EDARADD: variants seen among roughly 807,000 people sequenced by gnomAD.
EDARADD encodes ectodysplasin-A receptor-associated adapter protein.
In EDARADD, 20 loss-of-function variants were observed where a neutral mutation model predicts 25.6. The ratio of observed to expected loss-of-function variants is 0.78; its 90% CI spans 0.55 to 1.14. The LOEUF (loss-of-function observed/expected upper bound fraction) is 1.14. Ranked by LOEUF, EDARADD falls within the 50% of genes most tolerant of loss-of-function variation. The probability of loss-of-function intolerance (pLI) is 0.00; values close to 1 mark genes in which losing one functional copy is unlikely to be tolerated. For missense variants in EDARADD, 225 were observed against 270.1 expected, an observed-to-expected ratio of 0.83 and a Z score of 1.17; for synonymous variants, 86 against 94.4, an observed-to-expected ratio of 0.91 and a Z score of 0.52.
At chr1:236,444,816 G>A (rs1658490325) in intron 4 of EDARADD, among the ~76,000 whole-genome samples, 1 of 152,158 alleles carries the variant, frequency 6.6e-6, no homozygotes, top group Admixed American at 6.6e-5. Context: ...CCTGCCCCCA[G>A]CAGCCAACCC....
intron 3 of EDARADD, among the ~76,000 whole-genome samples, chr1:236,420,109 C>T (rs1657743949): frequency 6.6e-6 from 1 of 152,164 alleles, no homozygotes; most frequent in South Asian, 2.1e-4. Flanking sequence ...TCGCTTGAAC[C>T]TGGGAGGCAG....
intron 3 of EDARADD, 66 bp from the exon 4 acceptor site, chr1:236,427,326 C>T (rs2103016010): frequency 6.6e-7 from 1 of 1,518,686 alleles, no homozygotes; most frequent in South Asian, 1.2e-5. Flanking sequence ...AGGTCTTACA[C>T]CACGGAGTGT....
At chr1:236,430,007 G>A (rs951826138) in intron 4 of EDARADD, among the ~76,000 whole-genome samples, 1 of 152,136 alleles carries the variant, frequency 6.6e-6, no homozygotes, top group Non-Finnish European at 1.5e-5. Context: ...ACATCACTCT[G>A]TAATAAAGTC....
intron 4 of EDARADD, among the ~76,000 whole-genome samples, chr1:236,459,894 G>A (rs997153399): frequency 2.0e-5 from 3 of 152,012 alleles, no homozygotes; most frequent in Admixed American, 6.6e-5. Context: ...GATTACAGGC[G>A]CACCGGCCTT....
intron 4 of EDARADD, among the ~76,000 whole-genome samples, chr1:236,449,165 G>A (rs1658641635): frequency 6.6e-6 from 1 of 152,122 alleles, no homozygotes; most frequent in African/African-American, 2.4e-5. Flanking sequence ...CCTGTGTTCA[G>A]GCCTGTCTCC....
At chr1:236,401,353 T>C in intron 1 of EDARADD, among the ~76,000 whole-genome samples, 1 of 152,212 alleles carries the variant, frequency 6.6e-6, no homozygotes, top group Non-Finnish European at 1.5e-5. Context: ...AGTCCTGACA[T>C]ACTTCCTTGT....
At chr1:236,450,691 G>A (rs1658687990) in intron 4 of EDARADD, among the ~76,000 whole-genome samples, 1 of 151,954 alleles carries the variant, frequency 6.6e-6, no homozygotes, top group African/African-American at 2.4e-5. Context: ...TGGGATTACA[G>A]GCATCTGCCA....
Position 236,398,800 on chromosome 1 carries a change from C to T in EDARADD, c.61+4295C>T, listed in dbSNP as rs1667565595. Among the ~76,000 whole-genome samples, 1 of 152,202 alleles carries T rather than the reference C, an allele frequency of 6.6e-6. No homozygotes were observed. The highest frequency in any genetic ancestry group is 6.5e-5 in the Admixed American group (1 of 15,288). On this transcript the variant is annotated intron_variant, in intron 1 of 5. Transcript: ENST00000334232. The surrounding 1 kb of genome is among the most constrained non-coding windows in gnomAD (Gnocchi z 4.1). ...CATGCTCAGCAAACCCTGTACCTTT[C>T]CTTTCTGGCACCTGTCACAATTTCT...
At chr1:236,467,332 G>C (rs76706967) in intron 4 of EDARADD, among the ~76,000 whole-genome samples, 2,113 of 151,884 alleles carry the variant, frequency 0.014, 52 homozygotes, top group African/African-American at 0.049. Flanking sequence ...TAGCTGATGA[G>C]AAAGATTTTG....
At chr1:236,405,135 A>G (rs1319384915) in intron 1 of EDARADD, among the ~76,000 whole-genome samples, 1 of 152,146 alleles carries the variant, frequency 6.6e-6, no homozygotes, top group Non-Finnish European at 1.5e-5. Context: ...AAGACCTGAA[A>G]ATGCCTCTAA....
intron 3 of EDARADD, among the ~76,000 whole-genome samples, chr1:236,353,020 A>C (rs1254483911): frequency 6.6e-6 from 1 of 150,460 alleles, no homozygotes; most frequent in African/African-American, 2.4e-5. Context: ...TAAAAAAAAA[A>C]CAACAACAAC....
intron 4 of EDARADD, among the ~76,000 whole-genome samples, chr1:236,466,848 C>T (rs555126287): frequency 1.8e-3 from 271 of 152,290 alleles, no homozygotes; most frequent in African/African-American, 6.3e-3. Flanking sequence ...GTGGGCGGAT[C>T]ATGAGGTCAG....
At chr1:236,472,409 C>T (rs930421129) in intron 5 of EDARADD, among the ~76,000 whole-genome samples, 2 of 152,124 alleles carry the variant, frequency 1.3e-5, no homozygotes, top group African/African-American at 2.4e-5. Flanking sequence ...ACTAATTAAT[C>T]GGGATCTCCG....
chr1:236,434,984 T>G (rs1658203481), intron 4 of EDARADD, among the ~76,000 whole-genome samples: 1 of 152,164 alleles, frequency 6.6e-6, no homozygotes, highest in Non-Finnish European at 1.5e-5. Flanking sequence ...CTTTGTTGGT[T>G]GGTTCAGAAA....
intron 3 of EDARADD, among the ~76,000 whole-genome samples, chr1:236,371,495 G>C (rs1429910900): frequency 3.3e-5 from 5 of 151,790 alleles, no homozygotes; most frequent in African/African-American, 1.2e-4. Context: ...AGACATCCTT[G>C]ACTTGTTATT....
At chr1:236,381,260 C>A (rs922223338) in intron 3 of EDARADD, among the ~76,000 whole-genome samples, 1 of 152,000 alleles carries the variant, frequency 6.6e-6, no homozygotes, top group Non-Finnish European at 1.5e-5. Flanking sequence ...TAGTTTGTTC[C>A]TTTTATTGGT....
chr1:236,449,921 C>T (rs902864982), intron 4 of EDARADD, among the ~76,000 whole-genome samples: 3 of 151,956 alleles, frequency 2.0e-5, no homozygotes, highest in Admixed American at 2.0e-4. Flanking sequence ...GCCAACATGG[C>T]GAAACCCCGT....
chr1:236,458,153 C>G (rs1364054685), intron 4 of EDARADD, among the ~76,000 whole-genome samples: 1 of 152,208 alleles, frequency 6.6e-6, no homozygotes, highest in African/African-American at 2.4e-5. Context: ...CCCATTCACA[C>G]TCCTGTCTAG....
chr1:236,415,124 T>C (rs1043588143), intron 3 of EDARADD, among the ~76,000 whole-genome samples: 2 of 152,112 alleles, frequency 1.3e-5, no homozygotes, highest in Admixed American at 1.3e-4. Context: ...ATTTTAGAGA[T>C]GATTGTGATT....
Sources: allele counts gnomAD v4.1 joint callset (sites outside exome capture counted in the v4.1 genomes callset), GRCh38; gene constraint gnomAD v4.1.1; non-coding constraint Gnocchi (gnomAD v3.1); transcripts MANE v1.5; gene names NCBI Gene and HGNC (gene_info 2026-07-23, HGNC 2026-07-21).